Variants in CLDN14 observed in about 807,000 individuals in gnomAD.
CLDN14 encodes claudin 14.
In CLDN14, 2 loss-of-function variants were observed where a neutral mutation model predicts 2.1. The ratio of observed to expected loss-of-function variants is 0.96; its 90% CI spans 0.39 to 3.01. The LOEUF is 3.01. CLDN14 is among the 30% of genes most tolerant of loss of function. The probability of loss-of-function intolerance (pLI) is 0.09; values close to 1 mark genes in which losing one functional copy is unlikely to be tolerated. For missense variants in CLDN14, 298 were observed against 328.0 expected, an observed-to-expected ratio of 0.91 and a Z score of 0.71; for synonymous variants, 136 against 154.4, an observed-to-expected ratio of 0.88 and a Z score of 0.88.
chr21:36,564,004 G>C (rs1336894008), intron 1 of CLDN14, among the ~76,000 whole-genome samples: 2 of 152,218 alleles, frequency 1.3e-5, no homozygotes, highest in African/African-American at 2.4e-5. Context: ...TGACCTGAAA[G>C]TTCACATGCC....
chr21:36,569,445 G>T (rs1014950482), intron 1 of CLDN14, among the ~76,000 whole-genome samples: 6 of 151,906 alleles, frequency 3.9e-5, no homozygotes, highest in African/African-American at 1.5e-4. Flanking sequence ...TAAATAAAGC[G>T]AAAGTGTTAG....
intron 2 of CLDN14, among the ~76,000 whole-genome samples, chr21:36,490,795 TCTGA>T (rs2086954857): frequency 6.6e-6 from 1 of 152,302 alleles, no homozygotes; most frequent in Non-Finnish European, 1.5e-5. Flanking sequence ...TGGGCCTTTC[TCTGA>T]CTGTTCAGTT....
rs1298310923 is a variant in CLDN14, at chr21:36,544,475, CTG to C, written c.-220+31934_-220+31935del. Among the ~76,000 whole-genome samples the C allele has an allele frequency of 6.6e-6, 1 of 152,194 alleles. No individual in the cohort carries two copies. The highest frequency in any genetic ancestry group is 1.5e-5 in the Non-Finnish European group (1 of 68,042). On this transcript the variant is annotated intron_variant, in intron 1 of 2. Coordinates refer to the CLDN14 transcript ENST00000342108. The surrounding 1 kb of genome is among the most constrained non-coding windows in gnomAD (Gnocchi z 4.1). Reference sequence around the variant, plus strand: ...AGTCATCCCTGCCTGCAGCTATTGACTGTTTGCATAGGAGGGGATGGAGTTGG... The same window carrying C: ...AGTCATCCCTGCCTGCAGCTATTGACTTTGCATAGGAGGGGATGGAGTTGG...
rs911740177 is a variant in CLDN14 at position 36,499,003 on chromosome 21, T to C, written c.-82+11360A>G. On this transcript the variant is annotated intron_variant, in intron 2 of 2. Coordinates refer to the CLDN14 transcript ENST00000342108. The surrounding 1 kb of genome is among the most constrained non-coding windows in gnomAD (Gnocchi z 4.7). ...TCCATCCATCTGGATGAAGCACCTT[T>C]ATTTTCTAATTTGGCCAGTTTCAGG... Among the ~76,000 whole-genome samples, 1 of 152,174 alleles carries C rather than the reference T, an allele frequency of 6.6e-6. No homozygotes were observed. The highest frequency in any genetic ancestry group is 1.5e-5 in the Non-Finnish European group (1 of 68,042).
At chr21:36,483,687 A>T (rs1205863281), upstream of CLDN14, among the ~76,000 whole-genome samples, 1 of 152,190 alleles carries the variant, frequency 6.6e-6, no homozygotes, top group Non-Finnish European at 1.5e-5. Context: ...GTGTGAGTTG[A>T]TGGATGCAAA....
chr21:36,495,727 C>T (rs899269314), intron 2 of CLDN14, among the ~76,000 whole-genome samples: 3 of 152,194 alleles, frequency 2.0e-5, no homozygotes, highest in African/African-American at 7.2e-5. Context: ...TCTTACCCCA[C>T]GAAGTTCTTG....
intron 1 of CLDN14, among the ~76,000 whole-genome samples, chr21:36,538,608 G>A (rs775699324): frequency 6.9e-6 from 1 of 145,096 alleles, no homozygotes. Flanking sequence ...GCGAGACATC[G>A]TCTCAAAGGA....
intron 1 of CLDN14, among the ~76,000 whole-genome samples, chr21:36,478,116 C>CCTAAAAA (rs1318015336): frequency 2.0e-5 from 3 of 152,078 alleles, no homozygotes; most frequent in African/African-American, 7.2e-5. Flanking sequence ...TTGATCTTTA[C>CCTAAAAA]CTAAAAACTA....
intron 1 of CLDN14, among the ~76,000 whole-genome samples, chr21:36,470,125 A>G (rs1315300391): frequency 2.6e-5 from 4 of 152,182 alleles, no homozygotes; most frequent in African/African-American, 7.2e-5. Flanking sequence ...TTGTTGGATG[A>G]CTTATGGTTA....
chr21:36,461,441 G>T lies in CLDN14; in HGVS notation c.255C>A (p.Val85=). The change falls in exon 2 of 2, where the codon GTC becomes GTA. Residue 85 remains valine, a synonymous_variant. Transcript: ENST00000399135. ...CTATGCCCGAGAGCAGGCAGGAGAT[G>T]ACCATGAGGGCGCGGGCAGCCTGGA... The part of the protein sequence containing the change: ...QDLQAARALM[V]ISCLLSGIAC... The T allele has an allele frequency of 6.2e-7, 1 of 1,613,320 alleles. No homozygotes were observed. The highest frequency in any genetic ancestry group is 1.1e-5 in the South Asian group (1 of 91,062).
At chr21:36,537,267 G>A in intron 1 of CLDN14, among the ~76,000 whole-genome samples, 1 of 152,124 alleles carries the variant, frequency 6.6e-6, no homozygotes, top group Non-Finnish European at 1.5e-5. Flanking sequence ...AATCCAGGCT[G>A]TGGGGTTGTC....
chr21:36,567,012 A>T (rs975267405), intron 1 of CLDN14, among the ~76,000 whole-genome samples: 1 of 152,216 alleles, frequency 6.6e-6, no homozygotes, highest in Non-Finnish European at 1.5e-5. Context: ...CAAACATGAA[A>T]GATGCTGGAG....
upstream of CLDN14, chr21:36,480,802 T>C (rs2146449462): frequency 6.6e-6 from 1 of 152,250 alleles, no homozygotes; most frequent in South Asian, 2.1e-4. Flanking sequence ...GGCTTCTGCG[T>C]GTCTTCCACA....
chr21:36,501,230 T>A (rs922565549), intron 2 of CLDN14, among the ~76,000 whole-genome samples: 9 of 151,908 alleles, frequency 5.9e-5, no homozygotes, highest in African/African-American at 1.9e-4. Context: ...TCTGCCCAGT[T>A]TATATCAGCA....
At chr21:36,546,740 C>A (rs1051079748) in intron 1 of CLDN14, among the ~76,000 whole-genome samples, 1 of 152,174 alleles carries the variant, frequency 6.6e-6, no homozygotes. Flanking sequence ...CAACTTACAG[C>A]CAACCTTTAA....
chr21:36,512,577 A>T (rs547419675), intron 1 of CLDN14, among the ~76,000 whole-genome samples: 7 of 152,356 alleles, frequency 4.6e-5, no homozygotes, highest in African/African-American at 1.4e-4. Flanking sequence ...ACATGGATGA[A>T]TTGGATCCGT....
intron 1 of CLDN14, among the ~76,000 whole-genome samples, chr21:36,466,021 A>G (rs2086641220): frequency 6.6e-6 from 1 of 152,188 alleles, no homozygotes; most frequent in Admixed American, 6.5e-5. Flanking sequence ...AGCATCTTGG[A>G]ATGCTGCATT....
At chr21:36,562,860 T>C (rs2087646119) in intron 1 of CLDN14, among the ~76,000 whole-genome samples, 1 of 152,160 alleles carries the variant, frequency 6.6e-6, no homozygotes, top group African/African-American at 2.4e-5. Flanking sequence ...CCTGGCTTCA[T>C]GGGTAATTTG....
intron 1 of CLDN14, among the ~76,000 whole-genome samples, chr21:36,550,205 C>T (rs1312856698): frequency 6.6e-6 from 1 of 152,088 alleles, no homozygotes; most frequent in Admixed American, 6.5e-5. Context: ...AATTTAAAAA[C>T]ACCCAGTGCA....
Sources: gnomAD v4.1 joint callset for allele counts (sites outside exome capture counted in the v4.1 genomes callset) on GRCh38, gnomAD v4.1.1 for gene constraint, Gnocchi (gnomAD v3.1) non-coding constraint, MANE v1.5 for transcripts, NCBI Gene and HGNC (gene_info 2026-07-23, HGNC 2026-07-21) for gene names.